The following DPYSL5 variants were observed in gnomAD, a reference collection of about 807,000 sequenced individuals.
DPYSL5 encodes dihydropyrimidinase-related protein 5.
DPYSL5 carries 9 observed loss-of-function variants against 58.4 expected under a neutral mutation model. The observed-to-expected ratio is 0.15, with a 90% confidence interval of 0.09 to 0.27. DPYSL5 has a LOEUF of 0.27. Ranked by LOEUF, DPYSL5 falls within the 10% of genes least tolerant of loss-of-function variation. The pLI is 1.00. For synonymous variants in DPYSL5, 293 were observed against 301.9 expected, an observed-to-expected ratio of 0.97 and a Z score of 0.31; for missense variants, 499 against 770.6, an observed-to-expected ratio of 0.65 and a Z score of 4.17.
Position 26,942,489 on chromosome 2 carries a change from T to C in DPYSL5, c.1233-54T>C. The C allele has an allele frequency of 6.4e-7, 1 of 1,558,930 alleles. No individual in the cohort carries two copies. The highest frequency in any genetic ancestry group is 8.7e-7 in the Non-Finnish European group (1 of 1,145,660). On this transcript the variant is annotated intron_variant, in intron 10 of 12. Coordinates refer to ENST00000288699, the MANE Select transcript of DPYSL5 (RefSeq NM_020134.4). The surrounding 1 kb of genome is among the most constrained non-coding windows in gnomAD (Gnocchi z 5.9). Reference sequence around the variant, plus strand: ...GGGGCTCACCCCTCCCATGGAGCTGTGACATTTTGACCTGTCCTCAGCGCT... The same window carrying C: ...GGGGCTCACCCCTCCCATGGAGCTGCGACATTTTGACCTGTCCTCAGCGCT...
chr2:26,885,681 C>G (rs1431614650), intron 1 of DPYSL5, among the ~76,000 whole-genome samples: 2 of 152,212 alleles, frequency 1.3e-5, no homozygotes, highest in Non-Finnish European at 2.9e-5. Context: ...CAGAGACTCT[C>G]TCTAGCCTCT....
rs995528589 is a variant in DPYSL5, at chr2:26,867,110, C to T, written c.-5+18856C>T. On this transcript the variant is annotated intron_variant, in intron 1 of 12. Coordinates refer to ENST00000288699, the MANE Select transcript of DPYSL5 (RefSeq NM_020134.4). ...TTCACCCTTAGGTAACCAACATAAA[C>T]TGGGGTGTTTCCACCCACAGTTTAC... Among the ~76,000 whole-genome samples, 2 of 152,240 alleles carry T rather than the reference C, an allele frequency of 1.3e-5. 1 individual carries two copies. The highest frequency in any genetic ancestry group is 1.3e-4 in the Admixed American group (2 of 15,286).
intron 4 of DPYSL5, 87 bp from the exon 5 acceptor site, chr2:26,928,168 G>C: frequency 1.5e-5 from 20 of 1,361,670 alleles, no homozygotes; most frequent in Non-Finnish European, 2.0e-5. Context: ...GCGGTGTCTA[G>C]CATATTTCAC....
intron 1 of DPYSL5, among the ~76,000 whole-genome samples, chr2:26,880,318 A>G (rs1472430284): frequency 6.6e-6 from 1 of 152,072 alleles, no homozygotes; most frequent in Non-Finnish European, 1.5e-5. Flanking sequence ...CAGTTAACCC[A>G]CTGCACCCCC....
intron 1 of DPYSL5, among the ~76,000 whole-genome samples, chr2:26,889,567 G>A (rs1174780669): frequency 6.6e-6 from 1 of 151,938 alleles, no homozygotes; most frequent in East Asian, 1.9e-4. Flanking sequence ...ACCGCGCCCG[G>A]CCTGGAGAGC....
chr2:26,917,997 C>T (rs1045888677), intron 2 of DPYSL5, among the ~76,000 whole-genome samples: 1 of 151,984 alleles, frequency 6.6e-6, no homozygotes, highest in Admixed American at 6.6e-5. Context: ...ATAAGCCAGG[C>T]ATGATGGCAC....
intron 1 of DPYSL5, among the ~76,000 whole-genome samples, chr2:26,879,089 A>G (rs1663487548): frequency 6.6e-6 from 1 of 152,204 alleles, no homozygotes; most frequent in Non-Finnish European, 1.5e-5. Flanking sequence ...CACCCAGTAC[A>G]GTAACCCTGC....
chr2:26,919,713 C>A (rs1664657557), intron 2 of DPYSL5, among the ~76,000 whole-genome samples: 1 of 152,124 alleles, frequency 6.6e-6, no homozygotes, highest in Non-Finnish European at 1.5e-5. Context: ...GTGAGATCGG[C>A]TGTTCCATGA....
intron 2 of DPYSL5, among the ~76,000 whole-genome samples, chr2:26,900,520 A>T (rs1476795775): frequency 6.6e-6 from 1 of 152,240 alleles, no homozygotes; most frequent in Non-Finnish European, 1.5e-5. Flanking sequence ...AGGCTATTAC[A>T]AACATTGTCA....
chr2:26,938,174 G>T (rs1665230592), intron 8 of DPYSL5, among the ~76,000 whole-genome samples: 1 of 152,198 alleles, frequency 6.6e-6, no homozygotes, highest in Non-Finnish European at 1.5e-5. Flanking sequence ...CTCCTAGAAT[G>T]TAACTACCGT....
rs1424283460 is a variant in DPYSL5 at position 26,933,956 on chromosome 2, G to A, written c.791-622G>A. Among the ~76,000 whole-genome samples the A allele has an allele frequency of 1.3e-5, 2 of 152,116 alleles. No individual in the cohort carries two copies. Among genetic ancestry groups the A allele is most frequent in the Non-Finnish European group, 2.9e-5 (2 of 68,018 alleles). On this transcript the variant is annotated intron_variant, in intron 7 of 12. Coordinates refer to ENST00000288699, the MANE Select transcript of DPYSL5 (RefSeq NM_020134.4). The surrounding 1 kb of genome is among the most constrained non-coding windows in gnomAD (Gnocchi z 4.2). Reference sequence around the variant, plus strand: ...CTGGGGAGACAGATCAGAAGCAAGGGCATCTCAGCCTTCAACTATAATCGA... The same window carrying A: ...CTGGGGAGACAGATCAGAAGCAAGGACATCTCAGCCTTCAACTATAATCGA...
chr2:26,945,636 C>T (rs1665458209), intron 12 of DPYSL5, among the ~76,000 whole-genome samples: 1 of 152,176 alleles, frequency 6.6e-6, no homozygotes, highest in Non-Finnish European at 1.5e-5. Flanking sequence ...GTCACCACCA[C>T]TTGCAGGGGG....
intron 1 of DPYSL5, among the ~76,000 whole-genome samples, chr2:26,879,608 A>G (rs1254730513): frequency 6.6e-6 from 1 of 152,164 alleles, no homozygotes; most frequent in Non-Finnish European, 1.5e-5. Flanking sequence ...TGGACCTCCA[A>G]GGCCAGCTGT....
intron 1 of DPYSL5, among the ~76,000 whole-genome samples, chr2:26,874,477 T>G (rs1261206160): frequency 6.6e-6 from 1 of 152,206 alleles, no homozygotes; most frequent in Admixed American, 6.5e-5. Context: ...GACTACTCTT[T>G]CCCGCATTGA....
rs920609806 is a variant in DPYSL5, at chr2:26,927,672, G to A, written c.600+240G>A. Among the ~76,000 whole-genome samples the A allele has an allele frequency of 6.6e-6, 1 of 152,248 alleles. No homozygotes were observed. The highest frequency in any genetic ancestry group is 1.5e-5 in the Non-Finnish European group (1 of 68,048). ...AGGCTTCTAAGTCGTAGGTGATGAT[G>A]TCTTAATTCTAATGATATGAGATTT... On this transcript the variant is annotated intron_variant, in intron 4 of 12. Transcript: ENST00000288699. This position sits in a 1 kb window ranked among gnomAD's most constrained non-coding sequence, Gnocchi z 4.3.
chr2:26,882,408 G>C (rs1663593136), intron 1 of DPYSL5, among the ~76,000 whole-genome samples: 1 of 146,530 alleles, frequency 6.8e-6, no homozygotes, highest in Admixed American at 7.1e-5. Flanking sequence ...ACCATGCCCA[G>C]CTTATTGTGT....
At chr2:26,880,482 G>A (rs950841215) in intron 1 of DPYSL5, among the ~76,000 whole-genome samples, 13 of 152,310 alleles carry the variant, frequency 8.5e-5, no homozygotes, top group African/African-American at 2.6e-4. Flanking sequence ...GGAGCCATGT[G>A]TCTCATTCAG....
At chr2:26,906,247 G>A (rs1329236093) in intron 2 of DPYSL5, among the ~76,000 whole-genome samples, 7 of 148,524 alleles carry the variant, frequency 4.7e-5, no homozygotes, top group Non-Finnish European at 8.9e-5. Flanking sequence ...GCAGTGGCAC[G>A]ATCTCAGCTC....
intron 1 of DPYSL5, among the ~76,000 whole-genome samples, chr2:26,870,161 G>T (rs780536902): frequency 2.0e-5 from 3 of 152,136 alleles, no homozygotes; most frequent in Non-Finnish European, 4.4e-5. Flanking sequence ...TAATTATAAT[G>T]ACTGACTTTT....
Sources: allele counts gnomAD v4.1 joint callset (sites outside exome capture counted in the v4.1 genomes callset), GRCh38; gene constraint gnomAD v4.1.1; non-coding constraint Gnocchi (gnomAD v3.1); transcripts MANE v1.5; gene names NCBI Gene and HGNC (gene_info 2026-07-23, HGNC 2026-07-21).